RXYLT1: variants seen among roughly 807,000 people sequenced by gnomAD.
The protein encoded by RXYLT1 is ribitol-5-phosphate xylosyltransferase 1.
RXYLT1 carries 41 observed loss-of-function variants against 43.5 expected under a neutral mutation model. The observed-to-expected ratio is 0.94, with a 90% CI of 0.73 to 1.22. RXYLT1 has a LOEUF of 1.22. RXYLT1 is among the 50% of genes most tolerant of loss of function. The pLI, the probability that RXYLT1 is intolerant of heterozygous loss-of-function variation, is 0.00. For synonymous variants in RXYLT1, 166 were observed against 194.4 expected, an observed-to-expected ratio of 0.85 and a Z score of 1.21; for missense variants, 514 against 532.0, an observed-to-expected ratio of 0.97 and a Z score of 0.33.
At chr12:63,794,234 T>A (rs1258053658) in intron 3 of RXYLT1, among the ~76,000 whole-genome samples, 1 of 152,162 alleles carries the variant, frequency 6.6e-6, no homozygotes, top group African/African-American at 2.4e-5. Context: ...CCTCTCTCTA[T>A]TGATGTGTAG....
At chr12:63,789,424 C>T (rs141865313) in intron 3 of RXYLT1, among the ~76,000 whole-genome samples, 2 of 152,236 alleles carry the variant, frequency 1.3e-5, no homozygotes, top group East Asian at 1.9e-4. Flanking sequence ...CCACCGGGCA[C>T]CTCCCACAAC....
chr12:63,780,225 G>A, intron 1 of RXYLT1, 96 bp downstream of exon 1: 1 of 1,389,682 alleles, frequency 7.2e-7, no homozygotes, highest in Non-Finnish European at 9.2e-7. Flanking sequence ...TCTCAAGTCC[G>A]GGATTACCCG....
Position 63,802,263 on chromosome 12 carries a change from C to A in RXYLT1, c.601C>A (p.Leu201Ile). 1 of 1,614,080 alleles carries A rather than the reference C, an allele frequency of 6.2e-7. No homozygotes were observed. The highest frequency in any genetic ancestry group is 8.5e-7 in the Non-Finnish European group (1 of 1,180,016). Residue 201 changes from leucine to isoleucine, a missense_variant, in exon 4 of 6, where the codon CTC (leucine) becomes ATC (isoleucine). By Grantham distance (5) the Leu-to-Ile change is conservative (BLOSUM62 2). Transcript: ENST00000261234. ...QKLQHLAVVLLGNEHCDNEWI... is the reference protein window; with the variant it reads ...QKLQHLAVVLIGNEHCDNEWI... ...ACTCCAGCATCTTGCTGTTGTTTTGCTCGGAAATGAACATTGTGATAATGA... is the reference window on the plus strand; with the variant it reads ...ACTCCAGCATCTTGCTGTTGTTTTGATCGGAAATGAACATTGTGATAATGA...
At chr12:63,806,862 C>G (rs956595572) in intron 5 of RXYLT1, 1 of 152,360 alleles carries the variant, frequency 6.6e-6, no homozygotes, top group Non-Finnish European at 1.5e-5. Flanking sequence ...TACTCTCTAG[C>G]TCTGTCTGAC....
At chr12:63,799,297 CTTTTCT>C (rs1458179417) in intron 3 of RXYLT1, among the ~76,000 whole-genome samples, 3 of 118,398 alleles carry the variant, frequency 2.5e-5, no homozygotes, top group Admixed American at 9.9e-5. Flanking sequence ...TTTTTCTTTT[CTTTTCT>C]TTTTTTTTTT....
chr12:63,797,024 C>T (rs1898050033), intron 3 of RXYLT1, among the ~76,000 whole-genome samples: 1 of 142,340 alleles, frequency 7.0e-6, no homozygotes, highest in South Asian at 2.2e-4. Flanking sequence ...AGAGCAGTGG[C>T]ACGATCTTGG....
intron 3 of RXYLT1, among the ~76,000 whole-genome samples, chr12:63,790,975 T>A (rs1169618121): frequency 6.6e-6 from 1 of 152,228 alleles, no homozygotes; most frequent in Non-Finnish European, 1.5e-5. Flanking sequence ...ATTTTAGTGT[T>A]CCTTAACTAA....
In RXYLT1 at chr12:63,805,321, T is replaced by C. The variant is rs1258335145; in HGVS notation, c.831T>C (p.Tyr277=). The C allele has an allele frequency of 1.9e-6, 3 of 1,613,532 alleles. No homozygotes were observed. The South Asian group carries it at 3.3e-5, about 18-fold the overall frequency. ...TATGTAATTTCTTAGGAACGATTTATGAAAATTCATCCAGACAGGCACTAA... is the reference window on the plus strand; with the variant it reads ...TATGTAATTTCTTAGGAACGATTTACGAAAATTCATCCAGACAGGCACTAA... ...PYLCNFLGTI[Y]ENSSRQALMN... is the part of the protein sequence containing the mutation. Residue 277 remains tyrosine, a synonymous_variant, in exon 5 of 6, where the codon TAT becomes TAC. Transcript: ENST00000261234.
intron 3 of RXYLT1, among the ~76,000 whole-genome samples, chr12:63,791,931 C>T (rs142671581): frequency 4.6e-5 from 7 of 152,312 alleles, no homozygotes; most frequent in African/African-American, 1.7e-4. Context: ...TTACATAGCT[C>T]TTACTATGTG....
chr12:63,780,251 G>C, intron 1 of RXYLT1, 122 bp downstream of exon 1: 1 of 1,380,304 alleles, frequency 7.2e-7, no homozygotes, highest in Non-Finnish European at 9.3e-7. Flanking sequence ...CCTGAGAAGC[G>C]CTTTGCCCCC....
At chr12:63,780,957 T>C (rs1335370273) in intron 1 of RXYLT1, 62 bp from the exon 2 acceptor site, 27 of 1,334,018 alleles carry the variant, frequency 2.0e-5, no homozygotes, top group Non-Finnish European at 2.6e-5. Flanking sequence ...ATTTAAATGA[T>C]TTGAATTTAC....
At chr12:63,799,680 T>G (rs1458617473) in intron 3 of RXYLT1, among the ~76,000 whole-genome samples, 1 of 152,088 alleles carries the variant, frequency 6.6e-6, no homozygotes, top group Non-Finnish European at 1.5e-5. Context: ...CCATTTCCTA[T>G]CTAGTGTCAG....
chr12:63,792,135 A>C (rs1438679881), intron 3 of RXYLT1, among the ~76,000 whole-genome samples: 1 of 152,140 alleles, frequency 6.6e-6, no homozygotes, highest in African/African-American at 2.4e-5. Flanking sequence ...TTTTATTTTT[A>C]ATGTCTTAAG....
At position 63,808,846 on chromosome 12, in the gene RXYLT1, T is replaced by TG; in HGVS notation, c.1089dup (p.Asn364GlufsTer46). The TG allele has an allele frequency of 6.2e-7, 1 of 1,614,126 alleles. No homozygotes were observed. The highest frequency in any genetic ancestry group is 8.5e-7 in the Non-Finnish European group (1 of 1,180,022). The stretch of plus-strand genomic sequence containing the variant: ...AAGACGTGATGACAGCTGGCAACTG[T>TG]GGGAATACATCTGTGCACCACGGTG... On this transcript the variant is annotated frameshift_variant, in exon 6 of 6. Coordinates refer to ENST00000261234, the MANE Select transcript of RXYLT1 (RefSeq NM_014254.3). LOFTEE classifies it high-confidence loss of function.
chr12:63,781,803 A>T (rs1047767616), intron 2 of RXYLT1, among the ~76,000 whole-genome samples: 1 of 149,966 alleles, frequency 6.7e-6, no homozygotes, highest in Admixed American at 6.6e-5. Flanking sequence ...TGACTTAGAA[A>T]GCGCTTTATG....
chr12:63,784,616 C>T (rs1897759526), intron 2 of RXYLT1, among the ~76,000 whole-genome samples: 1 of 152,190 alleles, frequency 6.6e-6, no homozygotes, highest in Non-Finnish European at 1.5e-5. Context: ...GCAGTTCTAA[C>T]CACATAGTAT....
In RXYLT1 at chr12:63,785,396, G is replaced by A. The variant is rs1457706043; in HGVS notation, c.428+324G>A. 3 of 156,200 alleles carry A rather than the reference G, an allele frequency of 1.9e-5. No homozygotes were observed. The Admixed American group carries it at 1.9e-4, about 10-fold the overall frequency. 9.7% of individuals were successfully genotyped at this position (156,200 alleles called of 1,614,324 possible). A position where few individuals can be genotyped will look rare whatever the true frequency, so the allele number is the denominator to read the frequency against. ...ATTGAAAACATTCTGTATCTTGGAG[G>A]AATAATATGTAAACCTAAAAGTATT... On this transcript the variant is annotated intron_variant, in intron 3 of 5. Coordinates refer to ENST00000261234, the MANE Select transcript of RXYLT1 (RefSeq NM_014254.3).
In RXYLT1 at chr12:63,790,468, A is replaced by G. The variant is rs1592845525; in HGVS notation, c.428+5396A>G. The G allele has an allele frequency of 2.0e-5, 3 of 152,266 alleles. No individual in the cohort carries two copies. In the South Asian group the frequency reaches 6.2e-4, roughly 32 times the overall value. 9.4% of individuals were successfully genotyped at this position (152,266 alleles called of 1,614,324 possible). On this transcript the variant is annotated intron_variant, in intron 3 of 5. Transcript: ENST00000261234. ...AAGCCCTGTCACCTCTGGGCAGTGTAGCATGTGACTCAGTTATTGAGAGTA... is the reference window on the plus strand; with the variant it reads ...AAGCCCTGTCACCTCTGGGCAGTGTGGCATGTGACTCAGTTATTGAGAGTA...
At chr12:63,795,801 C>G (rs1898019722) in intron 3 of RXYLT1, 1 of 151,952 alleles carries the variant, frequency 6.6e-6, no homozygotes, top group African/African-American at 2.4e-5. Context: ...TAAATATACC[C>G]AAATTATTTC....
Sources: gnomAD v4.1 joint callset for allele counts (sites outside exome capture counted in the v4.1 genomes callset) on GRCh38, gnomAD v4.1.1 for gene constraint, MANE v1.5 for transcripts, NCBI Gene and HGNC (gene_info 2026-07-23, HGNC 2026-07-21) for gene names.